ACYP2: variants seen among roughly 807,000 people sequenced by gnomAD.
ACYP2 encodes the protein acylphosphatase-2.
In ACYP2, 12 loss-of-function variants were observed where a neutral mutation model predicts 11.2. The observed-to-expected ratio is 1.08, with a 90% CI of 0.69 to 1.74. ACYP2 has a LOEUF of 1.74. Among genes scored for constraint, ACYP2 ranks in the 40% most tolerant of loss-of-function variants. The pLI, the probability that ACYP2 is intolerant of heterozygous loss-of-function variation, is 0.00. For missense variants in ACYP2, 134 were observed against 101.9 expected (o/e 1.31, Z -1.35); for synonymous variants, 43 against 32.2 (o/e 1.33, Z -1.13).
At chr2:54,272,788 AGAATGAAT>A (rs962553973) in intron 6 of ACYP2, among the ~76,000 whole-genome samples, 1 of 152,232 alleles carries the variant, frequency 6.6e-6, no homozygotes, top group Non-Finnish European at 1.5e-5. Context: ...TTGTTGATGC[AGAATGAAT>A]GAATGAATGA....
At chr2:54,064,969 A>G (rs995188216) in intron 4 of ACYP2, among the ~76,000 whole-genome samples, 2 of 152,150 alleles carry the variant, frequency 1.3e-5, no homozygotes, top group African/African-American at 4.8e-5. Flanking sequence ...CTGTAATCCC[A>G]GGTACTCGGG....
chr2:54,009,461 C>G (rs1673248713), intron 2 of ACYP2, among the ~76,000 whole-genome samples: 1 of 152,034 alleles, frequency 6.6e-6, no homozygotes, highest in African/African-American at 2.4e-5. Context: ...GTAATCCCAG[C>G]TACTTGGGAG....
intron 6 of ACYP2, among the ~76,000 whole-genome samples, chr2:54,247,657 C>G (rs1378454486): frequency 1.3e-5 from 2 of 152,254 alleles, no homozygotes; most frequent in South Asian, 4.1e-4. Flanking sequence ...TGTGTCATAA[C>G]TTTAACATCA....
At chr2:54,021,912 A>C (rs1674026763) in intron 2 of ACYP2, among the ~76,000 whole-genome samples, 2 of 152,162 alleles carry the variant, frequency 1.3e-5, no homozygotes. Context: ...GAAGACGGGC[A>C]CATTTTAAGT....
intron 6 of ACYP2, among the ~76,000 whole-genome samples, chr2:54,215,701 A>C (rs759628743): frequency 3.3e-5 from 5 of 152,168 alleles, no homozygotes; most frequent in Non-Finnish European, 5.9e-5. Context: ...CATACTATGC[A>C]TAGTTAGGTG....
chr2:54,097,813 A>G (rs1678671885), intron 4 of ACYP2, among the ~76,000 whole-genome samples: 1 of 151,646 alleles, frequency 6.6e-6, no homozygotes, highest in Admixed American at 6.6e-5. Context: ...CCACCATGCT[A>G]TTATTATACC....
intron 6 of ACYP2, among the ~76,000 whole-genome samples, chr2:54,232,227 G>A (rs752796637): frequency 3.3e-5 from 5 of 152,104 alleles, no homozygotes; most frequent in African/African-American, 7.2e-5. Flanking sequence ...TCTGCTTGTT[G>A]TATCAGAAAT....
intron 2 of ACYP2, among the ~76,000 whole-genome samples, chr2:54,017,034 C>G (rs895241021): frequency 3.4e-5 from 5 of 147,094 alleles, no homozygotes; most frequent in Non-Finnish European, 5.9e-5. Context: ...CCTTCAGTGT[C>G]TTTTGAGGAC....
At chr2:54,070,195 G>C (rs1444554200) in intron 4 of ACYP2, among the ~76,000 whole-genome samples, 1 of 150,350 alleles carries the variant, frequency 6.7e-6, no homozygotes, top group Non-Finnish European at 1.5e-5. Flanking sequence ...TCTTGAACCT[G>C]AGAGTTGGAG....
At chr2:54,201,697 TC>T (rs1429939788) in intron 6 of ACYP2, among the ~76,000 whole-genome samples, 6 of 148,036 alleles carry the variant, frequency 4.1e-5, no homozygotes, top group Admixed American at 1.4e-4. Flanking sequence ...TCTCTCTCTC[TC>T]TTTTTTCTTT....
chr2:54,182,126 C>G (rs190463699), intron 6 of ACYP2, among the ~76,000 whole-genome samples: 1 of 129,434 alleles, frequency 7.7e-6, no homozygotes, highest in Non-Finnish European at 1.5e-5. Context: ...GTGGCACAAT[C>G]TCAGCTCACT....
intron 4 of ACYP2, 49 bp from the exon 2 acceptor site, chr2:54,135,404 T>C (rs1265947369): frequency 6.3e-7 from 1 of 1,584,798 alleles, no homozygotes. Flanking sequence ...ACATATAACC[T>C]TTTAAAGGAG....
At chr2:54,263,801 TTTCA>T (rs1687889033) in intron 6 of ACYP2, among the ~76,000 whole-genome samples, 1 of 152,186 alleles carries the variant, frequency 6.6e-6, no homozygotes, top group Non-Finnish European at 1.5e-5. Context: ...TATACCAGAA[TTTCA>T]TTATTTTAAC....
intron 4 of ACYP2, among the ~76,000 whole-genome samples, chr2:54,077,751 A>G (rs1677423140): frequency 6.6e-6 from 1 of 152,252 alleles, no homozygotes; most frequent in South Asian, 2.1e-4. Flanking sequence ...ACTAAGGCAC[A>G]GAAAGGCTGT....
intron 2 of ACYP2, among the ~76,000 whole-genome samples, chr2:53,978,081 A>G (rs1166753657): frequency 6.6e-6 from 1 of 151,684 alleles, no homozygotes; most frequent in Non-Finnish European, 1.5e-5. Context: ...GGCCAACGTG[A>G]AGAAACCCCA....
intron 6 of ACYP2, among the ~76,000 whole-genome samples, chr2:54,295,460 T>G (rs1689485884): frequency 6.6e-6 from 1 of 152,148 alleles, no homozygotes; most frequent in South Asian, 2.1e-4. Context: ...TTTTGTGAGT[T>G]AATGAGTTAA....
At chr2:54,300,584 C>A (rs150222125) in intron 6 of ACYP2, among the ~76,000 whole-genome samples, 1 of 152,328 alleles carries the variant, frequency 6.6e-6, no homozygotes, top group Non-Finnish European at 1.5e-5. Flanking sequence ...TGCATCATTG[C>A]CCAGCTTCTC....
intron 2 of ACYP2, among the ~76,000 whole-genome samples, chr2:54,023,857 C>G (rs1454196433): frequency 1.3e-5 from 2 of 152,112 alleles, no homozygotes; most frequent in African/African-American, 2.4e-5. Context: ...CAGCTGAATT[C>G]TACCAGACAT....
intron 6 of ACYP2, among the ~76,000 whole-genome samples, chr2:54,172,026 C>A (rs72908725): frequency 0.048 from 7,307 of 151,992 alleles, 260 homozygotes; most frequent in African/African-American, 0.094. Flanking sequence ...TCAGCCTAGT[C>A]AACATAGGGA....
Sources: allele counts gnomAD v4.1 joint callset (sites outside exome capture counted in the v4.1 genomes callset), GRCh38; gene constraint gnomAD v4.1.1; transcripts MANE v1.5; gene names NCBI Gene and HGNC (gene_info 2026-07-23, HGNC 2026-07-21).